ATP5F1C: variants seen among roughly 807,000 people sequenced by gnomAD.
The protein encoded by ATP5F1C is ATP synthase F(1) complex subunit gamma, mitochondrial.
Under a neutral mutation model 37.4 loss-of-function variants are expected in ATP5F1C, and 22 were observed. The observed-to-expected ratio is 0.59, with a 90% confidence interval of 0.42 to 0.84. ATP5F1C has a LOEUF of 0.84. ATP5F1C is among the 40% of genes least tolerant of loss of function. The pLI, the probability that ATP5F1C is intolerant of heterozygous loss-of-function variation, is 0.00. For synonymous variants in ATP5F1C, 121 were observed against 128.0 expected (o/e 0.95, Z 0.37); for missense variants, 286 against 362.4 (o/e 0.79, Z 1.71).
At chr10:7,791,986 T>G (rs1836171502) in intron 1 of ATP5F1C, among the ~76,000 whole-genome samples, 1 of 152,226 alleles carries the variant, frequency 6.6e-6, no homozygotes, top group African/African-American at 2.4e-5. Flanking sequence ...CCATATGGTA[T>G]TCTCTGACTA....
At position 7,796,285 on chromosome 10, in the gene ATP5F1C, G is replaced by A. The variant is rs767380064; in HGVS notation, c.91+130G>A. ...AAAACTGACCAAATGGATTTCCATT[G>A]TATGTTTGGGACATTGGACTTGTTC... On this transcript the variant is annotated intron_variant, in intron 2 of 9. Coordinates refer to ENST00000356708, the MANE Select transcript of ATP5F1C (RefSeq NM_001001973.3). 1.9e-5 allele frequency: 14 copies of A among 754,746 alleles called. No homozygotes were observed. The African/African-American group carries it at 2.4e-4, about 13-fold the overall frequency. 46.8% of individuals were successfully genotyped at this position (754,746 alleles called of 1,614,324 possible). A position where few individuals can be genotyped will look rare whatever the true frequency, so the allele number is the denominator to read the frequency against.
In ATP5F1C at chr10:7,788,251, T is replaced by C. The variant is rs1257360560; in HGVS notation, c.44T>C (p.Leu15Ser). The C allele has an allele frequency of 6.2e-7, 1 of 1,613,514 alleles. No individual in the cohort carries two copies. The highest frequency in any genetic ancestry group is 2.2e-5 in the East Asian group (1 of 44,874). The change falls in exon 1 of 10, where the codon TTG (leucine) becomes TCG (serine). Residue 15 changes from leucine (L) to serine (S), a missense_variant. Transcript: ENST00000356708. Reference sequence around the variant, plus strand: ...GTCGCTGGGCTGTCGGCCTGGACCTTGCAGCCGCAATGGTATGGCAGCTTG... The same window carrying C: ...GTCGCTGGGCTGTCGGCCTGGACCTCGCAGCCGCAATGGTATGGCAGCTTG... ...AGVAGLSAWT[L>S]QPQWIQVRNM...
intron 7 of ATP5F1C, 80 bp downstream of exon 7, chr10:7,802,505 G>A (rs915728863): frequency 5.1e-5 from 76 of 1,485,586 alleles, no homozygotes; most frequent in Middle Eastern, 3.6e-4. Flanking sequence ...GTCCGTGGCC[G>A]AGAGTAGCAT....
chr10:7,806,264 T>A (rs2853758), intron 8 of ATP5F1C, among the ~76,000 whole-genome samples: 32,777 of 152,094 alleles, frequency 0.22, 3,662 homozygotes, highest in Admixed American at 0.26. Flanking sequence ...AAGAAAAAGA[T>A]CAAAAAACAA....
intron 2 of ATP5F1C, 76 bp from the exon 3 acceptor site, chr10:7,796,971 G>T: frequency 6.6e-7 from 1 of 1,525,794 alleles, no homozygotes; most frequent in Non-Finnish European, 8.9e-7. Flanking sequence ...TTGCACTTCA[G>T]AAAAATATGT....
chr10:7,804,571 A>G (rs1196743430), intron 8 of ATP5F1C, among the ~76,000 whole-genome samples: 3 of 151,762 alleles, frequency 2.0e-5, no homozygotes, highest in Non-Finnish European at 2.9e-5. Flanking sequence ...TCCAGAAAAC[A>G]CTCCTTCCTT....
intron 2 of ATP5F1C, 127 bp from the exon 3 acceptor site, chr10:7,796,920 T>C (rs1346608775): frequency 9.4e-7 from 1 of 1,058,320 alleles, no homozygotes; most frequent in East Asian, 2.6e-5. Flanking sequence ...TGGTTTAGCA[T>C]CGTGCTGTTT....
rs1564336155 is a variant in ATP5F1C, at chr10:7,807,713, G to C, written c.*85G>C. 1 of 1,590,410 alleles carries C rather than the reference G, an allele frequency of 6.3e-7. No homozygotes were observed. Among genetic ancestry groups the C allele is most frequent in the Non-Finnish European group, 8.6e-7 (1 of 1,165,946 alleles). ...TTGTTTTTAGCTTACTGCTGCCTTTGTCCGAAGAAACTGTTCCTCCATTAT... is the reference window on the plus strand; with the variant it reads ...TTGTTTTTAGCTTACTGCTGCCTTTCTCCGAAGAAACTGTTCCTCCATTAT... On this transcript the variant is annotated 3_prime_UTR_variant, in exon 10 of 10. Coordinates refer to ENST00000356708, the MANE Select transcript of ATP5F1C (RefSeq NM_001001973.3).
chr10:7,793,892 C>A (rs192327498), intron 1 of ATP5F1C, among the ~76,000 whole-genome samples: 10 of 152,026 alleles, frequency 6.6e-5, no homozygotes, highest in African/African-American at 2.2e-4. Flanking sequence ...TCCTTTTTTC[C>A]TTGAATTGCT....
intron 1 of ATP5F1C, among the ~76,000 whole-genome samples, chr10:7,795,653 A>G (rs779777381): frequency 2.4e-4 from 37 of 152,346 alleles, no homozygotes; most frequent in Non-Finnish European, 5.1e-4. Context: ...AAAGTTAAGA[A>G]TCAGTTTATA....
At chr10:7,797,488 G>A (rs1049735935) in intron 3 of ATP5F1C, among the ~76,000 whole-genome samples, 2 of 152,184 alleles carry the variant, frequency 1.3e-5, no homozygotes, top group African/African-American at 4.8e-5. Flanking sequence ...TGTCGAGTCT[G>A]TGTATTTGTT....
intron 1 of ATP5F1C, among the ~76,000 whole-genome samples, chr10:7,788,707 A>G (rs1836100876): frequency 6.6e-6 from 1 of 151,438 alleles, no homozygotes; most frequent in Admixed American, 6.6e-5. Flanking sequence ...GCCCTTTGAA[A>G]CCCTGTAGTG....
At chr10:7,800,778 AG>A (rs1215283361) in intron 6 of ATP5F1C, among the ~76,000 whole-genome samples, 3 of 152,212 alleles carry the variant, frequency 2.0e-5, no homozygotes, top group African/African-American at 7.2e-5. Flanking sequence ...TACAGGCATG[AG>A]CCACTGCACC....
At chr10:7,805,889 C>T (rs1836470247) in intron 8 of ATP5F1C, among the ~76,000 whole-genome samples, 1 of 151,888 alleles carries the variant, frequency 6.6e-6, no homozygotes, top group Non-Finnish European at 1.5e-5. Flanking sequence ...GAGTTCAAGA[C>T]AAGCCTGAGC....
intron 9 of ATP5F1C, 55 bp from the exon 10 acceptor site, chr10:7,807,603 TA>T: frequency 6.4e-7 from 1 of 1,569,314 alleles, no homozygotes; most frequent in African/African-American, 1.4e-5. Flanking sequence ...CTCTTGACAT[TA>T]TTTTCCCAAA....
intron 9 of ATP5F1C, 119 bp downstream of exon 9, chr10:7,807,129 C>A: frequency 1.1e-6 from 1 of 935,874 alleles, no homozygotes; most frequent in Non-Finnish European, 1.6e-6. Context: ...TGGGCCACTT[C>A]ACAGTAGCAG....
At chr10:7,797,496 G>C (rs1836263044) in intron 3 of ATP5F1C, among the ~76,000 whole-genome samples, 1 of 152,150 alleles carries the variant, frequency 6.6e-6, no homozygotes. Flanking sequence ...CTGTGTATTT[G>C]TTAGCCATTA....
In ATP5F1C at chr10:7,797,015, C is replaced by G. The variant is rs1836251857; in HGVS notation, c.92-32C>G. 4 of 1,597,336 alleles carry G rather than the reference C, an allele frequency of 2.5e-6. No individual in the cohort carries two copies. In the South Asian group the frequency reaches 3.4e-5, roughly 13 times the overall value. On this transcript the variant is annotated intron_variant, in intron 2 of 9. Coordinates refer to ENST00000356708, the MANE Select transcript of ATP5F1C (RefSeq NM_001001973.3). ...TCACAAGGAAGTTATACTGTAATTC[C>G]TTTGTCTTAACACAGTACTTCTATT... is the stretch of plus-strand genomic sequence containing the variant.
chr10:7,796,306 T>G, intron 2 of ATP5F1C, 151 bp downstream of exon 2: 2 of 627,930 alleles, frequency 3.2e-6, no homozygotes, highest in Non-Finnish European at 5.2e-6. Flanking sequence ...ACATTGGACT[T>G]GTTCTGAAAA....
Sources: gnomAD v4.1 joint callset for allele counts (sites outside exome capture counted in the v4.1 genomes callset) on GRCh38, gnomAD v4.1.1 for gene constraint, MANE v1.5 for transcripts, NCBI Gene and HGNC (gene_info 2026-07-23, HGNC 2026-07-21) for gene names.